The following CHST9 variants were observed in gnomAD, a reference collection of about 807,000 sequenced individuals.
CHST9 encodes the protein carbohydrate sulfotransferase 9, also known as GalNAc-4-sulfotransferase 2.
In CHST9, 41 loss-of-function variants were observed where a neutral mutation model predicts 44.4. That is an observed-to-expected ratio of 0.92 (90% confidence interval 0.72 to 1.20). The LOEUF (loss-of-function observed/expected upper bound fraction) is 1.20, where lower values mean the gene tolerates loss of function less well. Among genes scored for constraint, CHST9 ranks in the 50% most tolerant of loss-of-function variants. The pLI, the probability that CHST9 is intolerant of heterozygous loss-of-function variation, is 0.00. For missense variants in CHST9, 504 were observed against 516.5 expected (o/e 0.98, Z 0.23); for synonymous variants, 171 against 178.4 (o/e 0.96, Z 0.33).
chr18:26,948,171 C>CTCT (rs1297596640), intron 4 of CHST9, among the ~76,000 whole-genome samples: 1 of 152,162 alleles, frequency 6.6e-6, no homozygotes. Flanking sequence ...ACCTCATGTT[C>CTCT]TCACTCATAA....
At chr18:27,093,020 T>G (rs2058084233) in intron 2 of CHST9, among the ~76,000 whole-genome samples, 1 of 152,130 alleles carries the variant, frequency 6.6e-6, no homozygotes, top group African/African-American at 2.4e-5. Context: ...GGAGTTCTAT[T>G]CCAGACCCTG....
At chr18:27,139,514 T>A (rs56031519) in intron 2 of CHST9, among the ~76,000 whole-genome samples, 12,398 of 150,558 alleles carry the variant, frequency 0.082, 534 homozygotes, top group East Asian at 0.14. Context: ...TATATATATA[T>A]AAAAAATAAA....
chr18:27,151,599 C>T (rs1406982381), intron 1 of CHST9, among the ~76,000 whole-genome samples: 2 of 151,982 alleles, frequency 1.3e-5, no homozygotes, highest in East Asian at 1.9e-4. Context: ...CTGGGTGGAC[C>T]CCATGTAATC....
chr18:26,938,924 C>T (rs1401128855), intron 5 of CHST9, among the ~76,000 whole-genome samples: 3 of 152,070 alleles, frequency 2.0e-5, no homozygotes, highest in Admixed American at 6.5e-5. Flanking sequence ...TTGAACATTC[C>T]GGTGTATAGG....
intron 4 of CHST9, among the ~76,000 whole-genome samples, chr18:26,945,907 A>ATACT (rs1251222541): frequency 6.6e-6 from 1 of 152,198 alleles, no homozygotes; most frequent in East Asian, 1.9e-4. Flanking sequence ...AATAATAAGT[A>ATACT]TACTTAAAAA....
chr18:27,058,210 C>T (rs531688590), intron 2 of CHST9, among the ~76,000 whole-genome samples: 1 of 152,324 alleles, frequency 6.6e-6, no homozygotes, highest in South Asian at 2.1e-4. Flanking sequence ...AGCATTTGTA[C>T]TTTCCTCTGA....
intron 4 of CHST9, among the ~76,000 whole-genome samples, chr18:26,979,603 A>C (rs1160919901): frequency 6.6e-6 from 1 of 152,078 alleles, no homozygotes; most frequent in Non-Finnish European, 1.5e-5. Flanking sequence ...TGCCACTAGA[A>C]TCCATCTCTC....
At chr18:27,177,229 G>GA (rs1339960255) in intron 1 of CHST9, among the ~76,000 whole-genome samples, 1 of 151,506 alleles carries the variant, frequency 6.6e-6, no homozygotes, top group South Asian at 2.1e-4. Flanking sequence ...ATCTTTTGGG[G>GA]AAAAAAATTA....
At chr18:26,933,362 C>T (rs2055916008) in intron 5 of CHST9, among the ~76,000 whole-genome samples, 1 of 152,302 alleles carries the variant, frequency 6.6e-6, no homozygotes, top group Admixed American at 6.5e-5. Context: ...ATGATGCCCA[C>T]CCAATGGGGT....
Position 27,098,195 on chromosome 18 carries a change from CATT to C in CHST9, c.121+44491_121+44493del, listed in dbSNP as rs540823481. Among the ~76,000 whole-genome samples, 339 of 151,140 alleles carry C rather than the reference CATT, an allele frequency of 2.2e-3. 1 individual carries two copies. The highest frequency in any genetic ancestry group is 6.9e-3 in the Middle Eastern group (2 of 290). On this transcript the variant is annotated intron_variant, in intron 2 of 5. Transcript: ENST00000618847. Reference sequence around the variant, plus strand: ...AGAAGACATTTATGTGGCGAAAAAACATTAAAAAAAAAAGCTCAACATGACTGG... The same window carrying C: ...AGAAGACATTTATGTGGCGAAAAAACAAAAAAAAAAGCTCAACATGACTGG...
chr18:26,995,259 T>TAAAA (rs56839431), intron 4 of CHST9, among the ~76,000 whole-genome samples: 7 of 110,096 alleles, frequency 6.4e-5, no homozygotes, highest in African/African-American at 2.0e-4. Flanking sequence ...CCATCTCTAC[T>TAAAA]AAAAAAAAAA....
In CHST9 at chr18:26,913,306, G is replaced by A; in HGVS notation, c.*2953C>T. On this transcript the variant is annotated 3_prime_UTR_variant, in exon 6 of 6. Coordinates refer to ENST00000618847, the MANE Select transcript of CHST9 (RefSeq NM_031422.6). ...ATATTATTATTTTCTGTTACAGAAT[G>A]TTTTATAGACATCTAGCAAGTGGCA... 6.6e-6 allele frequency: 1 copy of A among 152,136 alleles called. No homozygotes were observed. The highest frequency in any genetic ancestry group is 6.5e-5 in the Admixed American group (1 of 15,278). The allele number at this position is 152,136 out of a possible 1,614,324, so 9.4% of individuals were successfully genotyped here.
chr18:27,065,286 T>A (rs1039487313), intron 2 of CHST9, among the ~76,000 whole-genome samples: 7 of 152,228 alleles, frequency 4.6e-5, no homozygotes, highest in South Asian at 2.1e-4. Flanking sequence ...CTCATTTTTT[T>A]AAAATTCTGG....
At position 27,146,169 on chromosome 18, in the gene CHST9, G is replaced by A. The variant is rs371837280; in HGVS notation, c.-96-3264C>T. On this transcript the variant is annotated intron_variant, in intron 1 of 5. Coordinates refer to ENST00000618847, the MANE Select transcript of CHST9 (RefSeq NM_031422.6). ...TTTGCAGAGGAAAATTATTACCTAC[G>A]ATGCTGGAAAAAGATTAAGAATTTG... Among the ~76,000 whole-genome samples the A allele has an allele frequency of 9.5e-4, 144 of 152,280 alleles. No individual in the cohort carries two copies. In the South Asian group the frequency reaches 0.029, roughly 30 times the overall value.
At chr18:27,093,183 G>T (rs2058085664) in intron 2 of CHST9, among the ~76,000 whole-genome samples, 1 of 152,204 alleles carries the variant, frequency 6.6e-6, no homozygotes, top group Admixed American at 6.5e-5. Context: ...GTGTCTCCCA[G>T]TTAGGCTACA....
chr18:26,918,133 A>T (rs1311725934), intron 5 of CHST9, among the ~76,000 whole-genome samples: 1 of 152,108 alleles, frequency 6.6e-6, no homozygotes, highest in East Asian at 1.9e-4. Context: ...ATCTTGCCAC[A>T]TCCTTCCTAC....
chr18:26,929,046 A>G (rs2055828890), intron 5 of CHST9, among the ~76,000 whole-genome samples: 1 of 151,866 alleles, frequency 6.6e-6, no homozygotes, highest in African/African-American at 2.4e-5. Flanking sequence ...GACCCCAAAC[A>G]CTCTGTCTTA....
chr18:26,922,653 T>TTTA (rs1289841821), intron 5 of CHST9, among the ~76,000 whole-genome samples: 2 of 125,206 alleles, frequency 1.6e-5, no homozygotes, highest in East Asian at 2.9e-4. Context: ...TTATTTATTT[T>TTTA]GAGATGGAAT....
At chr18:26,956,521 ATTTTTGTGG>A (rs1217180595) in intron 4 of CHST9, among the ~76,000 whole-genome samples, 4 of 150,392 alleles carry the variant, frequency 2.7e-5, no homozygotes, top group Admixed American at 6.6e-5. Flanking sequence ...CAATTATATT[ATTTTTGTGG>A]TCCTAGTGGT....
Sources: gnomAD v4.1 joint callset for allele counts (sites outside exome capture counted in the v4.1 genomes callset) on GRCh38, gnomAD v4.1.1 for gene constraint, MANE v1.5 for transcripts, NCBI Gene and HGNC (gene_info 2026-07-23, HGNC 2026-07-21) for gene names.